Variants in CSMD2 observed in about 807,000 individuals in gnomAD.
The protein encoded by CSMD2 is CUB and Sushi multiple domains 2.
Under a neutral mutation model 398.5 loss-of-function variants are expected in CSMD2, and 130 were observed. The ratio of observed to expected loss-of-function variants is 0.33; its 90% CI spans 0.28 to 0.38. CSMD2 has a LOEUF of 0.38. Ranked by LOEUF, CSMD2 falls within the 10% of genes least tolerant of loss-of-function variation. The pLI is 1.00. For synonymous variants in CSMD2, 1,828 were observed against 1,908.5 expected (o/e 0.96, Z 1.10); for missense variants, 3,829 against 4,764.9 (o/e 0.80, Z 5.78).
At chr1:33,884,266 T>G (rs945224004) in intron 5 of CSMD2, among the ~76,000 whole-genome samples, 39 of 152,020 alleles carry the variant, frequency 2.6e-4, no homozygotes, top group Admixed American at 7.2e-4. Context: ...ACATCTATTT[T>G]CAACCTTTAC....
chr1:34,106,190 C>A (rs1237970233), intron 1 of CSMD2, among the ~76,000 whole-genome samples: 1 of 152,070 alleles, frequency 6.6e-6, no homozygotes, highest in East Asian at 1.9e-4. Context: ...AGACATGGCC[C>A]ATCTTACTAG....
intron 4 of CSMD2, among the ~76,000 whole-genome samples, chr1:33,927,744 T>G (rs1644174316): frequency 6.6e-6 from 1 of 151,988 alleles, no homozygotes; most frequent in Non-Finnish European, 1.5e-5. Context: ...GAGATGGGGT[T>G]TTCCAGGCAT....
rs370391148 is a variant in CSMD2, at chr1:33,949,820, T to C, written c.518-13866A>G. On this transcript the variant is annotated intron_variant, in intron 3 of 70. Coordinates refer to ENST00000373381, the MANE Select transcript of CSMD2 (RefSeq NM_001281956.2). ...GGTTAGTGACTCCTAACTTCCTGTG[T>C]GCAAAATCCCAGCCCAGACCTTCCT... Among the ~76,000 whole-genome samples, 51 of 152,332 alleles carry C rather than the reference T, an allele frequency of 3.3e-4. 1 individual carries two copies. Among genetic ancestry groups the C allele is most frequent in the African/African-American group, 9.9e-4 (41 of 41,574 alleles).
chr1:34,084,091 A>G (rs1657576829), intron 2 of CSMD2, among the ~76,000 whole-genome samples: 1 of 152,202 alleles, frequency 6.6e-6, no homozygotes, highest in African/African-American at 2.4e-5. Context: ...CAGGAGCACA[A>G]GCAGGGAAAA....
intron 1 of CSMD2, among the ~76,000 whole-genome samples, chr1:34,110,453 C>G (rs780529656): frequency 1.3e-5 from 2 of 151,674 alleles, no homozygotes; most frequent in African/African-American, 4.8e-5. Context: ...AAATGTCCAT[C>G]GATAGTAGGC....
At chr1:33,819,943 G>A in intron 8 of CSMD2, 106 bp from the exon 9 acceptor site, 1 of 1,440,546 alleles carries the variant, frequency 6.9e-7, no homozygotes, top group Non-Finnish European at 9.5e-7. Flanking sequence ...TTTTCCTTCT[G>A]GCCCTTAATC....
intron 33 of CSMD2, among the ~76,000 whole-genome samples, chr1:33,625,501 A>G (rs1642062744): frequency 6.6e-6 from 1 of 152,042 alleles, no homozygotes; most frequent in African/African-American, 2.4e-5. Flanking sequence ...CCTCCCACAG[A>G]CCTTAGGCCC....
At chr1:33,694,871 T>C (rs1166051197) in intron 24 of CSMD2, among the ~76,000 whole-genome samples, 2 of 152,174 alleles carry the variant, frequency 1.3e-5, no homozygotes, top group East Asian at 3.9e-4. Flanking sequence ...TGCTTCTTGA[T>C]AGCAACAGGA....
At chr1:34,057,916 T>TAGCACACCC in intron 2 of CSMD2, among the ~76,000 whole-genome samples, 1 of 151,778 alleles carries the variant, frequency 6.6e-6, no homozygotes, top group South Asian at 2.1e-4. Flanking sequence ...AAGCTGGGGG[T>TAGCACACCC]TGGGGTGAGG....
At chr1:33,520,813 C>T (rs903527091) in intron 68 of CSMD2, among the ~76,000 whole-genome samples, 1 of 152,118 alleles carries the variant, frequency 6.6e-6, no homozygotes, top group African/African-American at 2.4e-5. Flanking sequence ...GAGGCTGTCA[C>T]GCACCTGCGG....
At chr1:33,926,816 AC>A (rs1487513818) in intron 4 of CSMD2, among the ~76,000 whole-genome samples, 1 of 152,186 alleles carries the variant, frequency 6.6e-6, no homozygotes, top group Non-Finnish European at 1.5e-5. Context: ...TTTAAGTTCT[AC>A]GGAAATCTCT....
intron 25 of CSMD2, among the ~76,000 whole-genome samples, chr1:33,687,523 A>G (rs529871092): frequency 4.6e-5 from 7 of 152,306 alleles, no homozygotes; most frequent in Admixed American, 1.3e-4. Context: ...ACAAAAAGCC[A>G]ATTAAAGCAG....
intron 46 of CSMD2, among the ~76,000 whole-genome samples, chr1:33,584,287 CT>C (rs1174428611): frequency 3.3e-5 from 5 of 152,204 alleles, no homozygotes; most frequent in African/African-American, 1.2e-4. Context: ...ATGGTGTGGT[CT>C]TGAACAAGTT....
At chr1:34,049,923 T>G (rs1376331499) in intron 2 of CSMD2, among the ~76,000 whole-genome samples, 1 of 152,184 alleles carries the variant, frequency 6.6e-6, no homozygotes, top group Non-Finnish European at 1.5e-5. Context: ...ATGAGATTAG[T>G]GCCCTTATAA....
At chr1:34,143,151 A>G (rs940097627) in intron 1 of CSMD2, among the ~76,000 whole-genome samples, 2 of 152,128 alleles carry the variant, frequency 1.3e-5, no homozygotes. Flanking sequence ...CCCACTGAAT[A>G]TGATAATCAT....
chr1:33,555,299 A>G (rs1022337651), intron 55 of CSMD2, among the ~76,000 whole-genome samples: 3 of 152,208 alleles, frequency 2.0e-5, no homozygotes, highest in Non-Finnish European at 4.4e-5. Context: ...AAATCTCATG[A>G]CCAATCTCAA....
intron 25 of CSMD2, among the ~76,000 whole-genome samples, chr1:33,690,770 A>G (rs1571235301): frequency 6.6e-6 from 1 of 152,204 alleles, no homozygotes; most frequent in South Asian, 2.1e-4. Context: ...TCTTTCATTC[A>G]TCAAACACTT....
intron 3 of CSMD2, among the ~76,000 whole-genome samples, chr1:34,003,374 T>C (rs775516621): frequency 6.6e-6 from 1 of 152,152 alleles, no homozygotes. Flanking sequence ...TGTGGTAACA[T>C]AGTTTTGCGC....
chr1:34,151,820 C>CG (rs200369701), intron 1 of CSMD2, among the ~76,000 whole-genome samples: 2 of 148,156 alleles, frequency 1.3e-5, no homozygotes, highest in Admixed American at 6.7e-5. Flanking sequence ...TCCCTCCCCC[C>CG]CCTTCTCTCT....
Sources: gnomAD v4.1 joint callset for allele counts (sites outside exome capture counted in the v4.1 genomes callset) on GRCh38, gnomAD v4.1.1 for gene constraint, MANE v1.5 for transcripts, NCBI Gene and HGNC (gene_info 2026-07-23, HGNC 2026-07-21) for gene names.